The following SOS2 variants were observed in gnomAD, a reference collection of about 807,000 sequenced individuals.
SOS2 encodes the protein SOS Ras/Rho guanine nucleotide exchange factor 2.
A neutral mutation model predicts 148.2 loss-of-function variants in SOS2; 65 were observed. That is an observed-to-expected ratio of 0.44 (90% CI 0.36 to 0.54). The LOEUF is 0.54. Ranked by LOEUF, SOS2 falls within the 20% of genes least tolerant of loss-of-function variation. The pLI, the probability that SOS2 is intolerant of heterozygous loss-of-function variation, is 0.00. For synonymous variants in SOS2, 539 were observed against 537.1 expected, an observed-to-expected ratio of 1.00 and a Z score of -0.05; for missense variants, 1,341 against 1,590.2, an observed-to-expected ratio of 0.84 and a Z score of 2.67.
At chr14:50,214,548 G>C (rs957503826) in intron 1 of SOS2, among the ~76,000 whole-genome samples, 17 of 151,978 alleles carry the variant, frequency 1.1e-4, no homozygotes, top group African/African-American at 3.9e-4. Flanking sequence ...GCGTAGTGGG[G>C]TGTCTGTAGT....
chr14:50,227,608 G>T (rs1807690482), intron 1 of SOS2, among the ~76,000 whole-genome samples: 1 of 152,032 alleles, frequency 6.6e-6, no homozygotes, highest in African/African-American at 2.4e-5. Flanking sequence ...TGTATTTTTA[G>T]TAGAGATGGG....
At chr14:50,190,149 G>A (rs1472262369) in intron 4 of SOS2, among the ~76,000 whole-genome samples, 1 of 151,846 alleles carries the variant, frequency 6.6e-6, no homozygotes, top group African/African-American at 2.4e-5. Context: ...CACTGCGCCT[G>A]GCTGTGACCA....
At chr14:50,158,243 AT>A (rs1200657639) in intron 11 of SOS2, among the ~76,000 whole-genome samples, 1 of 152,132 alleles carries the variant, frequency 6.6e-6, no homozygotes, top group African/African-American at 2.4e-5. Flanking sequence ...AAAAAAAAAA[AT>A]AGTGGTAAGT....
At chr14:50,155,674 C>T (rs8007048) in intron 12 of SOS2, among the ~76,000 whole-genome samples, 1 of 152,090 alleles carries the variant, frequency 6.6e-6, no homozygotes, top group African/African-American at 2.4e-5. Context: ...AAGAAAGCCA[C>T]AATATCATGA....
Position 50,150,069 on chromosome 14 carries a change from T to C in SOS2, c.2323A>G (p.Met775Val), listed in dbSNP as rs1332283721. Residue 775 changes from methionine (M) to valine (V), a missense_variant, in exon 14 of 23, where the codon ATG becomes GTG. Physicochemically the swap from Met to Val is conservative, Grantham distance 21. Coordinates refer to ENST00000216373, the MANE Select transcript of SOS2 (RefSeq NM_006939.4). ...KPGQFETFDL[M>V]TLHPIEIARQ... ...GCAATTTCTATTGGATGAAGTGTCATGAGATCAAATGTTTCAAACTGTCCT... is the reference window on the plus strand; with the variant it reads ...GCAATTTCTATTGGATGAAGTGTCACGAGATCAAATGTTTCAAACTGTCCT... 2.5e-6 allele frequency: 4 copies of C among 1,607,988 alleles called. No homozygotes were observed. Among genetic ancestry groups the C allele is most frequent in the East Asian group, 2.2e-5 (1 of 44,842 alleles).
chr14:50,177,625 T>A (rs1035645284), intron 7 of SOS2, among the ~76,000 whole-genome samples: 1 of 152,176 alleles, frequency 6.6e-6, no homozygotes, highest in Non-Finnish European at 1.5e-5. Flanking sequence ...TCTTATAGAC[T>A]GTGTATTTAA....
chr14:50,139,237 T>G lies in SOS2; in HGVS notation c.2786-453A>C, dbSNP rs575550386. The stretch of plus-strand genomic sequence containing the variant: ...AAACTAATTCTGTTTTTTCAGAGAC[T>G]GTAATTTAGATAGAAAAATAATTAC... On this transcript the variant is annotated intron_variant, in intron 17 of 22. Coordinates refer to ENST00000216373, the MANE Select transcript of SOS2 (RefSeq NM_006939.4). Among the ~76,000 whole-genome samples the G allele has an allele frequency of 4.7e-4, 71 of 152,312 alleles. 1 individual carries two copies. Among genetic ancestry groups the G allele is most frequent in the African/African-American group, 1.5e-3 (63 of 41,556 alleles).
chr14:50,147,195 T>TAAAC (rs750057681), intron 14 of SOS2, among the ~76,000 whole-genome samples: 14 of 146,630 alleles, frequency 9.5e-5, no homozygotes, highest in Admixed American at 3.4e-4. Context: ...GACCCCATCT[T>TAAAC]AAACAAACAA....
chr14:50,132,212 CA>C (rs934857658), intron 19 of SOS2, among the ~76,000 whole-genome samples: 1 of 151,970 alleles, frequency 6.6e-6, no homozygotes, highest in African/African-American at 2.4e-5. Flanking sequence ...AAAGCAAAAC[CA>C]AATCAGTCAA....
At chr14:50,217,030 G>A (rs1275041645) in intron 1 of SOS2, among the ~76,000 whole-genome samples, 1 of 152,116 alleles carries the variant, frequency 6.6e-6, no homozygotes, top group Non-Finnish European at 1.5e-5. Context: ...AAAGTTGAAG[G>A]GCTAACACTA....
chr14:50,230,934 CG>C, intron 1 of SOS2: 1 of 1,098,464 alleles, frequency 9.1e-7, no homozygotes, highest in Non-Finnish European at 1.1e-6. Context: ...TGGTCAACGG[CG>C]GAAGTTGCCT....
rs1232662224 is a variant in SOS2 at position 50,118,177 on chromosome 14, CTT to C, written c.*165_*166del. 1.6e-6 allele frequency: 1 copy of C among 642,114 alleles called. No individual in the cohort carries two copies. Among genetic ancestry groups the C allele is most frequent in the East Asian group, 2.8e-5 (1 of 35,764 alleles). The allele number at this position is 642,114 out of a possible 1,614,324, so 39.8% of individuals were successfully genotyped here. A position where few individuals can be genotyped will look rare whatever the true frequency, so the allele number is the denominator to read the frequency against. The stretch of plus-strand genomic sequence containing the variant: ...ATCACCTGAGGATAATGGTGAAGGA[CTT>C]TTGTATTTTTATTTTTCCAATTCTT... On this transcript the variant is annotated 3_prime_UTR_variant, in exon 23 of 23. Transcript: ENST00000216373.
chr14:50,161,295 CAA>C (rs113097888), intron 9 of SOS2, among the ~76,000 whole-genome samples, 185 bp downstream of exon 9: 7 of 85,106 alleles, frequency 8.2e-5, no homozygotes, highest in South Asian at 3.5e-4. Flanking sequence ...GACTCCTTCT[CAA>C]AAAAAAAAAA....
At chr14:50,145,353 T>C in intron 15 of SOS2, 21 bp from the exon 16 acceptor site, 3 of 1,587,220 alleles carry the variant, frequency 1.9e-6, no homozygotes, top group South Asian at 1.2e-5. Flanking sequence ...CAAAAATTCA[T>C]GGCTTAGAAA....
At chr14:50,177,965 T>C (rs994152635) in intron 7 of SOS2, among the ~76,000 whole-genome samples, 3 of 151,860 alleles carry the variant, frequency 2.0e-5, no homozygotes, top group Non-Finnish European at 4.4e-5. Flanking sequence ...AAATAAGAAG[T>C]CACCAGTATA....
chr14:50,228,627 T>C (rs956679549), intron 1 of SOS2, among the ~76,000 whole-genome samples: 13 of 152,216 alleles, frequency 8.5e-5, no homozygotes, highest in Admixed American at 6.5e-4. Context: ...TTTTGGAGGT[T>C]CCACCAAGAT....
intron 19 of SOS2, among the ~76,000 whole-genome samples, chr14:50,133,192 A>G (rs1292147248): frequency 6.6e-6 from 1 of 151,484 alleles, no homozygotes; most frequent in Non-Finnish European, 1.5e-5. Flanking sequence ...AATTCCATCA[A>G]AAAAATTTAT....
At chr14:50,125,747 G>A (rs187457734) in intron 21 of SOS2, among the ~76,000 whole-genome samples, 1 of 152,286 alleles carries the variant, frequency 6.6e-6, no homozygotes, top group Admixed American at 6.5e-5. Flanking sequence ...ATAAGGGAGA[G>A]TTAGAACCCC....
intron 1 of SOS2, among the ~76,000 whole-genome samples, chr14:50,205,909 C>A (rs1218845390): frequency 5.4e-4 from 73 of 135,512 alleles, no homozygotes; most frequent in Admixed American, 5.3e-4. Context: ...AACTCCATCT[C>A]AAAAAAAAAA....
Sources: gnomAD v4.1 joint callset for allele counts (sites outside exome capture counted in the v4.1 genomes callset) on GRCh38, gnomAD v4.1.1 for gene constraint, MANE v1.5 for transcripts, NCBI Gene and HGNC (gene_info 2026-07-23, HGNC 2026-07-21) for gene names.